Variants in CDC14A observed in about 807,000 individuals in gnomAD.
The protein encoded by CDC14A is dual specificity protein phosphatase CDC14A.
CDC14A carries 53 observed loss-of-function variants against 74.4 expected under a neutral mutation model. That is an observed-to-expected ratio of 0.71 (90% confidence interval 0.57 to 0.89). The LOEUF is 0.89. Ranked by LOEUF, CDC14A falls within the 40% of genes least tolerant of loss-of-function variation. The probability of loss-of-function intolerance (pLI) is 0.00; values close to 1 mark genes in which losing one functional copy is unlikely to be tolerated. For missense variants in CDC14A, 646 were observed against 713.7 expected, an observed-to-expected ratio of 0.91 and a Z score of 1.08; for synonymous variants, 247 against 258.4, an observed-to-expected ratio of 0.96 and a Z score of 0.43.
chr1:100,370,198 G>T (rs1189984082), intron 2 of CDC14A, among the ~76,000 whole-genome samples: 1 of 151,898 alleles, frequency 6.6e-6, no homozygotes. Context: ...GCCCAGGCCG[G>T]TCTTGAACTC....
chr1:100,463,882 G>A (rs1057420072), intron 9 of CDC14A, among the ~76,000 whole-genome samples: 1 of 152,096 alleles, frequency 6.6e-6, no homozygotes, highest in African/African-American at 2.4e-5. Flanking sequence ...CTCATGTGCA[G>A]CTCCTCCTAG....
At chr1:100,404,143 A>G (rs1472348962) in intron 4 of CDC14A, among the ~76,000 whole-genome samples, 1 of 151,950 alleles carries the variant, frequency 6.6e-6, no homozygotes, top group Non-Finnish European at 1.5e-5. Context: ...GTGAGCTGAG[A>G]TAGCGCCACT....
At chr1:100,488,065 T>C (rs1330966072) in intron 11 of CDC14A, among the ~76,000 whole-genome samples, 1 of 152,252 alleles carries the variant, frequency 6.6e-6, no homozygotes, top group Non-Finnish European at 1.5e-5. Context: ...AAGTGCATTA[T>C]GTGCTCAAAT....
intron 15 of CDC14A, among the ~76,000 whole-genome samples, chr1:100,517,978 C>A (rs545781747): frequency 2.0e-5 from 3 of 152,088 alleles, no homozygotes; most frequent in East Asian, 1.9e-4. Context: ...GGCTACCTAC[C>A]GATTTTTAAA....
chr1:100,501,135 TA>T, intron 15 of CDC14A, among the ~76,000 whole-genome samples: 1 of 152,144 alleles, frequency 6.6e-6, no homozygotes, highest in East Asian at 1.9e-4. Flanking sequence ...ATAGGTATCA[TA>T]AAAACTTAAA....
At chr1:100,420,059 C>CATATATAT (rs1324396801) in intron 4 of CDC14A, among the ~76,000 whole-genome samples, 17 of 24,300 alleles carry the variant, frequency 7.0e-4, no homozygotes, top group Admixed American at 2.3e-3. Context: ...CACACACACA[C>CATATATAT]ACACATATAT....
intron 11 of CDC14A, among the ~76,000 whole-genome samples, chr1:100,491,106 A>G (rs1670569694): frequency 6.6e-6 from 1 of 152,196 alleles, no homozygotes; most frequent in Admixed American, 6.5e-5. Flanking sequence ...AAGACAGAGA[A>G]CAGCCTAACC....
chr1:100,418,112 TAACTCG>T (rs1193529768), intron 4 of CDC14A, among the ~76,000 whole-genome samples: 1 of 152,202 alleles, frequency 6.6e-6, no homozygotes, highest in East Asian at 1.9e-4. Context: ...TAATGGAACC[TAACTCG>T]GGGTGATGTG....
chr1:100,403,181 A>G lies in CDC14A; in HGVS notation c.309+12357A>G, dbSNP rs181401160. On this transcript the variant is annotated intron_variant, in intron 4 of 15. Transcript: ENST00000336454. ...ATTCACCATAAGAAACACATTTTAC[A>G]TTGCAGCCTAGTACACACACATACA... 2.5e-3 allele frequency among the ~76,000 whole-genome samples: 385 copies of G among 152,320 alleles called. 3 individuals carry two copies. The highest frequency in any genetic ancestry group is 0.017 in the Admixed American group (265 of 15,302).
intron 15 of CDC14A, among the ~76,000 whole-genome samples, chr1:100,507,846 A>AT (rs1462412789): frequency 4.1e-4 from 62 of 151,736 alleles, no homozygotes; most frequent in African/African-American, 1.4e-3. Context: ...CGCCTGGCTA[A>AT]TTTTTGTATT....
At chr1:100,517,290 T>G (rs547575844) in intron 15 of CDC14A, among the ~76,000 whole-genome samples, 1 of 152,366 alleles carries the variant, frequency 6.6e-6, no homozygotes, top group Admixed American at 6.5e-5. Context: ...GGACCTGTCT[T>G]ATAATTGACT....
chr1:100,385,220 T>A (rs1287890885), intron 3 of CDC14A, among the ~76,000 whole-genome samples: 2 of 152,234 alleles, frequency 1.3e-5, no homozygotes, highest in African/African-American at 4.8e-5. Flanking sequence ...ACCAGTTACA[T>A]GTTTATGTAG....
chr1:100,421,507 G>A (rs893434064), intron 4 of CDC14A, among the ~76,000 whole-genome samples: 2 of 152,120 alleles, frequency 1.3e-5, no homozygotes, highest in African/African-American at 4.8e-5. Flanking sequence ...GAACTATAAG[G>A]TAGAAAGTTC....
At chr1:100,504,548 A>G (rs913482327) in intron 15 of CDC14A, among the ~76,000 whole-genome samples, 11 of 152,224 alleles carry the variant, frequency 7.2e-5, no homozygotes, top group African/African-American at 2.7e-4. Context: ...ATTAAATAAA[A>G]CTTTATTAAC....
At chr1:100,413,294 T>C (rs1661113743) in intron 4 of CDC14A, among the ~76,000 whole-genome samples, 1 of 152,200 alleles carries the variant, frequency 6.6e-6, no homozygotes, top group South Asian at 2.1e-4. Context: ...CATTGTTAGT[T>C]TTCTATTCTT....
chr1:100,353,153 AG>A, intron 1 of CDC14A, 150 bp downstream of exon 1: 1 of 813,266 alleles, frequency 1.2e-6, no homozygotes, highest in Non-Finnish European at 2.1e-6. Context: ...CCTTTCTCCG[AG>A]GACCCCCTGC....
upstream of CDC14A, among the ~76,000 whole-genome samples, chr1:100,349,285 G>A (rs1427931686): frequency 6.6e-6 from 1 of 151,834 alleles, no homozygotes; most frequent in African/African-American, 2.4e-5. Context: ...TTCCTTTTGT[G>A]CAGTTGAGCG....
chr1:100,382,390 ATTT>A (rs59014809), intron 3 of CDC14A, among the ~76,000 whole-genome samples: 54 of 115,268 alleles, frequency 4.7e-4, no homozygotes, highest in Admixed American at 8.1e-4. Context: ...CCAGCTAACT[ATTT>A]TTTTTTTTTT....
chr1:100,353,375 C>T (rs1000797727), intron 1 of CDC14A, among the ~76,000 whole-genome samples: 1 of 152,260 alleles, frequency 6.6e-6, no homozygotes, highest in African/African-American at 2.4e-5. Flanking sequence ...CCAAGTCTCT[C>T]TCCCTTCCTC....
Sources: allele counts gnomAD v4.1 joint callset (sites outside exome capture counted in the v4.1 genomes callset), GRCh38; gene constraint gnomAD v4.1.1; transcripts MANE v1.5; gene names NCBI Gene and HGNC (gene_info 2026-07-23, HGNC 2026-07-21).